Variants in SLCO1C1 observed in about 807,000 individuals in gnomAD.
SLCO1C1 encodes the protein solute carrier organic anion transporter family member 1C1.
SLCO1C1 carries 70 observed loss-of-function variants against 76.4 expected under a neutral mutation model. The ratio of observed to expected loss-of-function variants is 0.92; its 90% CI spans 0.76 to 1.12. The LOEUF (loss-of-function observed/expected upper bound fraction) is 1.12. SLCO1C1 is among the 50% of genes most tolerant of loss of function. SLCO1C1 has a pLI of 0.00. For synonymous variants in SLCO1C1, 306 were observed against 286.1 expected (o/e 1.07, Z -0.70); for missense variants, 912 against 823.8 (o/e 1.11, Z -1.31).
At chr12:20,735,591 C>G (rs1175932607) in intron 10 of SLCO1C1, among the ~76,000 whole-genome samples, 1 of 152,152 alleles carries the variant, frequency 6.6e-6, no homozygotes, top group Admixed American at 6.5e-5. Flanking sequence ...TAGGATTAAA[C>G]ATTCCTATAG....
chr12:20,738,450 A>G (rs565064888), intron 11 of SLCO1C1, among the ~76,000 whole-genome samples: 5 of 152,154 alleles, frequency 3.3e-5, no homozygotes, highest in Non-Finnish European at 5.9e-5. Context: ...ACTGGATATG[A>G]ATACTTAGGC....
At position 20,695,803 on chromosome 12, in the gene SLCO1C1, TC is replaced by T. The variant is rs1461334276; in HGVS notation, c.-28del. 1 of 152,122 alleles carries T rather than the reference TC, an allele frequency of 6.6e-6. No homozygotes were observed. The highest frequency in any genetic ancestry group is 1.5e-5 in the Non-Finnish European group (1 of 68,018). 9.4% of individuals were successfully genotyped at this position (152,122 alleles called of 1,614,324 possible). ...GAACTGGCTATCTTTGATCTCTTCC[TC>T]CAGGTAAGACTTGGTTCTCTCATTT... On this transcript the variant is annotated 5_prime_UTR_variant, in exon 1 of 15. Transcript: ENST00000266509.
chr12:20,717,603 AG>A (rs1947427293), intron 7 of SLCO1C1, among the ~76,000 whole-genome samples: 1 of 145,530 alleles, frequency 6.9e-6, no homozygotes, highest in Non-Finnish European at 1.5e-5. Context: ...GGGACTTGAC[AG>A]AAAGACCAAG....
chr12:20,725,044 ATATG>A (rs1947897425), intron 9 of SLCO1C1, among the ~76,000 whole-genome samples: 1 of 138,718 alleles, frequency 7.2e-6, no homozygotes, highest in South Asian at 2.2e-4. Flanking sequence ...TATGTATATA[ATATG>A]TATTAATTAT....
chr12:20,749,634 T>C (rs1354481367), intron 13 of SLCO1C1, among the ~76,000 whole-genome samples: 1 of 152,244 alleles, frequency 6.6e-6, no homozygotes, highest in Non-Finnish European at 1.5e-5. Flanking sequence ...CTTTCGTTAA[T>C]ATTTGCACAT....
chr12:20,709,607 C>T (rs1453782594), intron 4 of SLCO1C1, among the ~76,000 whole-genome samples: 2 of 15,606 alleles, frequency 1.3e-4, no homozygotes, highest in Non-Finnish European at 2.0e-4. Context: ...ACAGGCCGGG[C>T]GCGGTGGCTC....
At chr12:20,721,245 A>G (rs936489417) in intron 7 of SLCO1C1, among the ~76,000 whole-genome samples, 1 of 152,204 alleles carries the variant, frequency 6.6e-6, no homozygotes, top group Non-Finnish European at 1.5e-5. Context: ...ATAGCATTGC[A>G]TACTACAGAG....
intron 5 of SLCO1C1, among the ~76,000 whole-genome samples, chr12:20,711,958 T>C (rs768436737): frequency 1.3e-5 from 2 of 152,170 alleles, no homozygotes; most frequent in Non-Finnish European, 2.9e-5. Context: ...CAGGGTTTGT[T>C]TACATTCTAG....
chr12:20,744,605 A>T (rs1358407819), intron 13 of SLCO1C1, among the ~76,000 whole-genome samples: 1 of 152,142 alleles, frequency 6.6e-6, no homozygotes, highest in East Asian at 1.9e-4. Flanking sequence ...CCAAGTTAGA[A>T]CTACCTTTCT....
intron 10 of SLCO1C1, 48 bp from the exon 11 acceptor site, chr12:20,737,059 T>C: frequency 7.2e-7 from 1 of 1,392,598 alleles, no homozygotes; most frequent in Non-Finnish European, 9.4e-7. Context: ...AATATTCGGG[T>C]GCTACCTGCT....
At chr12:20,710,955 C>T (rs984350707) in intron 4 of SLCO1C1, among the ~76,000 whole-genome samples, 1 of 152,078 alleles carries the variant, frequency 6.6e-6, no homozygotes, top group Non-Finnish European at 1.5e-5. Context: ...AATTGACTGG[C>T]CCAGGTACGT....
At chr12:20,717,648 CTTTTTTTTTTTTTTTTTTTTTT>C (rs534946900) in intron 7 of SLCO1C1, among the ~76,000 whole-genome samples, 2,878 of 42,412 alleles carry the variant, frequency 0.068, 144 homozygotes, top group African/African-American at 0.17. Context: ...AACAGCCCTT[CTTTTTTTTTTTTTTTTTTTTTT>C]TTTTTTTTTT....
chr12:20,716,561 T>C (rs975149475), intron 6 of SLCO1C1, among the ~76,000 whole-genome samples: 1 of 152,238 alleles, frequency 6.6e-6, no homozygotes, highest in Non-Finnish European at 1.5e-5. Context: ...CTGTTCCACC[T>C]GGCTATGAAG....
intron 13 of SLCO1C1, among the ~76,000 whole-genome samples, chr12:20,747,200 G>A (rs1409576881): frequency 2.0e-5 from 3 of 152,118 alleles, no homozygotes; most frequent in African/African-American, 7.2e-5. Context: ...TGAGGCGGGT[G>A]GATATCTTGA....
At chr12:20,717,496 G>T (rs1947419805) in intron 7 of SLCO1C1, among the ~76,000 whole-genome samples, 1 of 151,526 alleles carries the variant, frequency 6.6e-6, no homozygotes, top group Non-Finnish European at 1.5e-5. Context: ...ATGCATTCCA[G>T]CATAGTTAAG....
intron 13 of SLCO1C1, among the ~76,000 whole-genome samples, chr12:20,746,731 G>T (rs953491677): frequency 2.6e-5 from 4 of 151,802 alleles, no homozygotes; most frequent in Non-Finnish European, 5.9e-5. Context: ...AGGAAAAATG[G>T]ATGATAGGGG....
At chr12:20,711,345 G>A in intron 4 of SLCO1C1, 41 bp from the exon 5 acceptor site, 1 of 1,597,198 alleles carries the variant, frequency 6.3e-7, no homozygotes, top group Non-Finnish European at 8.5e-7. Flanking sequence ...TTAGTATGAT[G>A]TTAATGAGTC....
chr12:20,732,081 T>G (rs964318597), intron 9 of SLCO1C1, among the ~76,000 whole-genome samples: 13 of 152,174 alleles, frequency 8.5e-5, no homozygotes, highest in African/African-American at 2.9e-4. Flanking sequence ...AACTACTAAA[T>G]TGAACCTCTT....
chr12:20,732,233 T>C (rs7297532), intron 9 of SLCO1C1, among the ~76,000 whole-genome samples: 33,535 of 152,216 alleles, frequency 0.22, 3,876 homozygotes, highest in Middle Eastern at 0.27. Flanking sequence ...ATTGAAAGCA[T>C]AGGACTTGAC....
Sources: allele counts gnomAD v4.1 joint callset (sites outside exome capture counted in the v4.1 genomes callset), GRCh38; gene constraint gnomAD v4.1.1; transcripts MANE v1.5; gene names NCBI Gene and HGNC (gene_info 2026-07-23, HGNC 2026-07-21).